STAG2: variants seen among roughly 807,000 people sequenced by gnomAD.
STAG2 encodes STAG2 cohesin complex component.
STAG2 carries 14 observed loss-of-function variants against 108.1 expected under a neutral mutation model. The observed-to-expected ratio is 0.13, with a 90% confidence interval of 0.09 to 0.20. The LOEUF is 0.20. STAG2 is among the 10% of genes least tolerant of loss of function. STAG2 has a pLI of 1.00. For missense variants in STAG2, 440 were observed against 940.9 expected, an observed-to-expected ratio of 0.47 and a Z score of 6.96; for synonymous variants, 307 against 302.7, an observed-to-expected ratio of 1.01 and a Z score of -0.15.
At chrX:124,076,753 C>T (rs1278859140) in intron 26 of STAG2, among the ~76,000 whole-genome samples, 1 of 109,746 alleles carries the variant, frequency 9.1e-6, no homozygotes, top group Non-Finnish European at 1.9e-5. Flanking sequence ...AATAGGATGG[C>T]ATTCCTCCTC....
chrX:124,068,014 C>G (rs1236497132), intron 23 of STAG2, among the ~76,000 whole-genome samples: 1 of 104,027 alleles, frequency 9.6e-6, no homozygotes, highest in Non-Finnish European at 2.0e-5. Context: ...TCAGCCTGGG[C>G]AATAGAGTGA....
intron 8 of STAG2, among the ~76,000 whole-genome samples, chrX:124,046,546 G>C (rs1451249343): frequency 8.9e-6 from 1 of 112,058 alleles, no homozygotes; most frequent in African/African-American, 3.2e-5. Flanking sequence ...ACAAATTTAA[G>C]ATGTAGTTTT....
At chrX:124,031,750 A>G (rs1264154168) in intron 5 of STAG2, among the ~76,000 whole-genome samples, 1 of 97,075 alleles carries the variant, frequency 1.0e-5, no homozygotes, top group Non-Finnish European at 2.0e-5. Context: ...TATTTTTTTG[A>G]GATGGAGTCT....
At chrX:124,029,785 C>T (rs2057274718) in intron 4 of STAG2, among the ~76,000 whole-genome samples, 1 of 111,667 alleles carries the variant, frequency 9.0e-6, no homozygotes, top group Non-Finnish European at 1.9e-5. Flanking sequence ...ATCATCAAAT[C>T]CAGGGGTCGG....
intron 5 of STAG2, among the ~76,000 whole-genome samples, chrX:124,034,588 C>T (rs770155239): frequency 1.6e-4 from 18 of 111,345 alleles, no homozygotes; most frequent in Non-Finnish European, 2.8e-4. Context: ...TGCCCTTAGA[C>T]TTTTCTTTTT....
Position 124,100,863 on chromosome X carries a change from G to A in STAG2, c.*266G>A, listed in dbSNP as rs2059495160. ...TGCGCTGTTAGTTGGCTTTTGAATC[G>A]ATTATTTCATGCTTTTTTTTAAAAA... On this transcript the variant is annotated 3_prime_UTR_variant, in exon 35 of 35. Coordinates refer to ENST00000371145, the MANE Select transcript of STAG2 (RefSeq NM_001042750.2). The A allele has an allele frequency of 4.2e-5, 9 of 215,285 alleles. No homozygotes were observed. In the South Asian group the frequency reaches 1.6e-3, roughly 37 times the overall value. The allele number at this position is 215,285 out of a possible 1,213,427, so 17.7% of individuals were successfully genotyped here.
chrX:124,071,069 A>G, intron 24 of STAG2, 80 bp from the exon 25 acceptor site: 1 of 772,623 alleles, frequency 1.3e-6, no homozygotes. Context: ...TTTCTGTGTT[A>G]AATATGTAAA....
chrX:124,099,780 ATTAC>A (rs766657477), intron 34 of STAG2, among the ~76,000 whole-genome samples: 4 of 111,724 alleles, frequency 3.6e-5, no homozygotes, highest in East Asian at 2.8e-4. Flanking sequence ...ATTCTAAAAT[ATTAC>A]TTAATGGGCA....
chrX:124,024,037 C>T (rs2057016351), intron 3 of STAG2, among the ~76,000 whole-genome samples: 1 of 111,797 alleles, frequency 8.9e-6, no homozygotes, highest in South Asian at 3.7e-4. Flanking sequence ...ATCTTAAAAA[C>T]ACAGGAAAGC....
intron 3 of STAG2, among the ~76,000 whole-genome samples, chrX:124,022,917 T>G: frequency 8.9e-6 from 1 of 112,374 alleles, no homozygotes; most frequent in Non-Finnish European, 1.9e-5. Context: ...TTTTTTGTTG[T>G]GTAGTTCTGA....
At chrX:123,993,105 G>A (rs985266712) in intron 1 of STAG2, among the ~76,000 whole-genome samples, 4 of 111,044 alleles carry the variant, frequency 3.6e-5, no homozygotes, top group Admixed American at 1.9e-4. Flanking sequence ...CATTTTTCTA[G>A]TTGGGTAAAC....
At position 124,072,076 on chromosome X, in the gene STAG2, T is replaced by C. The variant is rs374473664; in HGVS notation, c.2533+753T>C. ...TTGCCCAGCCTGGAGTACAGTAGCATGATATTAGCTCACTGCACCCTCAAA... is the reference window on the plus strand; with the variant it reads ...TTGCCCAGCCTGGAGTACAGTAGCACGATATTAGCTCACTGCACCCTCAAA... On this transcript the variant is annotated intron_variant, in intron 25 of 34. Transcript: ENST00000371145. 7.4e-4 allele frequency among the ~76,000 whole-genome samples: 82 copies of C among 111,402 alleles called. 1 individual carries two copies. In the South Asian group the frequency reaches 0.028, roughly 38 times the overall value.
intron 34 of STAG2, among the ~76,000 whole-genome samples, chrX:124,100,034 T>C (rs2059475427): frequency 8.9e-6 from 1 of 111,950 alleles, no homozygotes; most frequent in African/African-American, 3.2e-5. Flanking sequence ...AAATTTGTAG[T>C]TCTGTTCCAT....
At chrX:124,017,353 G>A (rs1030340332) in intron 1 of STAG2, among the ~76,000 whole-genome samples, 2 of 109,903 alleles carry the variant, frequency 1.8e-5, no homozygotes, top group African/African-American at 6.6e-5. Flanking sequence ...GGGACTATAG[G>A]TGCACACCAC....
chrX:123,986,845 T>A (rs1326394988), intron 1 of STAG2, among the ~76,000 whole-genome samples: 1 of 103,514 alleles, frequency 9.7e-6, no homozygotes, highest in Non-Finnish European at 2.0e-5. Flanking sequence ...TTAGTGAACA[T>A]TTTTTTTTTT....
At chrX:124,019,931 T>G in intron 1 of STAG2, among the ~76,000 whole-genome samples, 1 of 112,454 alleles carries the variant, frequency 8.9e-6, no homozygotes, top group African/African-American at 3.2e-5. Flanking sequence ...GAGTAAGACC[T>G]TGTCTGTCTG....
intron 1 of STAG2, among the ~76,000 whole-genome samples, chrX:123,967,173 C>T (rs747993458): frequency 9.1e-6 from 1 of 110,063 alleles, no homozygotes; most frequent in African/African-American, 3.3e-5. Flanking sequence ...GCGGAGCCAC[C>T]GTGCCTGGCC....
chrX:124,078,167 G>C lies in STAG2; in HGVS notation c.2775+109G>C, dbSNP rs2058848067. ...AGTGTGCAATAGGCAATTTATAAAA[G>C]TAGAAATACAAGAAAGTATAAGTGA... On this transcript the variant is annotated intron_variant, in intron 27 of 34. Transcript: ENST00000371145. 1.1e-5 allele frequency: 6 copies of C among 531,539 alleles called. No homozygotes were observed. In the South Asian group the frequency reaches 1.8e-4, roughly 16 times the overall value. 43.8% of individuals were successfully genotyped at this position (531,539 alleles called of 1,213,427 possible). A position where few individuals can be genotyped will look rare whatever the true frequency, so the allele number is the denominator to read the frequency against.
intron 13 of STAG2, among the ~76,000 whole-genome samples, chrX:124,051,753 G>A (rs1388999308): frequency 9.0e-6 from 1 of 110,544 alleles, no homozygotes; most frequent in African/African-American, 3.3e-5. Flanking sequence ...ACGACGCCTG[G>A]CTTATTTTTT....
Sources: allele counts gnomAD v4.1 joint callset (sites outside exome capture counted in the v4.1 genomes callset), GRCh38; gene constraint gnomAD v4.1.1; transcripts MANE v1.5; gene names NCBI Gene and HGNC (gene_info 2026-07-23, HGNC 2026-07-21).